Variants in EEF2 observed in about 807,000 individuals in gnomAD.
EEF2 encodes the protein eukaryotic translation elongation factor 2.
EEF2 carries 21 observed loss-of-function variants against 85.3 expected under a neutral mutation model. The ratio of observed to expected loss-of-function variants is 0.25; its 90% CI spans 0.17 to 0.35. The LOEUF (loss-of-function observed/expected upper bound fraction) is 0.35, where lower values mean the gene tolerates loss of function less well. EEF2 is among the 10% of genes least tolerant of loss of function. The pLI, the probability that EEF2 is intolerant of heterozygous loss-of-function variation, is 1.00. For missense variants in EEF2, 825 were observed against 1,225.3 expected (o/e 0.67, Z 4.88); for synonymous variants, 723 against 508.8 (o/e 1.42, Z -5.67).
At chr19:3,983,955 C>T in intron 2 of EEF2, 181 bp downstream of exon 2, 6 of 668,354 alleles carry the variant, frequency 9.0e-6, no homozygotes, top group Non-Finnish European at 1.3e-5. Flanking sequence ...CTCGCAGTAC[C>T]CCGAATCCCT....
chr19:3,982,801 C>T lies in EEF2; in HGVS notation c.612+6G>A, dbSNP rs747539895. 1 of 1,607,244 alleles carries T rather than the reference C, an allele frequency of 6.2e-7. No individual in the cohort carries two copies. The highest frequency in any genetic ancestry group is 8.5e-7 in the Non-Finnish European group (1 of 1,177,960). ...AAGCCCACCACCCAGCTAGGGAGGG[C>T]CGTACCATGATGTTGCCCATGGGGC... On this transcript the variant is annotated splice_donor_region_variant and intron_variant, in intron 4 of 14. Transcript: ENST00000309311.
Position 3,977,717 on chromosome 19 carries a change from C to A in EEF2, c.2067+102G>T, listed in dbSNP as rs530881667. 48 of 1,480,934 alleles carry A rather than the reference C, an allele frequency of 3.2e-5. No individual in the cohort carries two copies. The East Asian group carries it at 9.9e-4, about 31-fold the overall frequency. The allele number at this position is 1,480,934 out of a possible 1,614,324, so 91.7% of individuals were successfully genotyped here. ...CACCAGGGGGACCTGGGGCCTTGCC[C>A]GCCTTGGCCCCATTAGGGTCTCTGT... is the stretch of plus-strand genomic sequence containing the variant. On this transcript the variant is annotated intron_variant, in intron 12 of 14. Coordinates refer to ENST00000309311, the MANE Select transcript of EEF2 (RefSeq NM_001961.4). The surrounding 1 kb of genome is among the most constrained non-coding windows in gnomAD (Gnocchi z 5.4).
chr19:3,979,247 A>T, intron 11 of EEF2, 82 bp downstream of exon 11: 1 of 1,106,996 alleles, frequency 9.0e-7, no homozygotes, highest in Non-Finnish European at 1.3e-6. Flanking sequence ...AGGCGTCTGC[A>T]GAGCCTAGCT....
At position 3,976,304 on chromosome 19, in the gene EEF2, C is replaced by T. The variant is rs996056382; in HGVS notation, c.*250G>A. ...AGTGTTGGGTGTCCCATCCCGCCTC[C>T]CCCTCCCCGACCGGCCCATTAAGTC... On this transcript the variant is annotated 3_prime_UTR_variant, in exon 15 of 15. Transcript: ENST00000309311. 2 of 402,012 alleles carry T rather than the reference C, an allele frequency of 5.0e-6. No homozygotes were observed. The highest frequency in any genetic ancestry group is 4.4e-5 in the African/African-American group (2 of 45,578). The allele number at this position is 402,012 out of a possible 1,614,324, so 24.9% of individuals were successfully genotyped here. A position where few individuals can be genotyped will look rare whatever the true frequency, so the allele number is the denominator to read the frequency against.
At chr19:3,984,683 A>T in intron 1 of EEF2, 1 of 249,102 alleles carries the variant, frequency 4.0e-6, no homozygotes, top group Non-Finnish European at 7.8e-6. Context: ...ATCCTCTCCT[A>T]AAGCCCCCTC....
chr19:3,979,738 A>G, intron 10 of EEF2, 70 bp downstream of exon 10: 1 of 1,559,498 alleles, frequency 6.4e-7, no homozygotes, highest in South Asian at 1.2e-5. Context: ...CAACCCACAC[A>G]GCCACAACTC....
chr19:3,976,115 T>C lies in EEF2; in HGVS notation c.*439A>G, dbSNP rs3189553. 1 of 198,136 alleles carries C rather than the reference T, an allele frequency of 5.0e-6. No individual in the cohort carries two copies. Among genetic ancestry groups the C allele is most frequent in the Non-Finnish European group, 1.0e-5 (1 of 95,252 alleles). The allele number at this position is 198,136 out of a possible 1,614,324, so 12.3% of individuals were successfully genotyped here. Reference sequence around the variant, plus strand: ...CTAGTACAGCTGGAGGTGCTCATGGTGACACCGCACAGGACTTCCTGCCTG... The same window carrying C: ...CTAGTACAGCTGGAGGTGCTCATGGCGACACCGCACAGGACTTCCTGCCTG... On this transcript the variant is annotated 3_prime_UTR_variant, in exon 15 of 15. Transcript: ENST00000309311.
chr19:3,980,096 G>T, intron 9 of EEF2, 30 bp from the exon 10 acceptor site: 1 of 1,601,840 alleles, frequency 6.2e-7, no homozygotes, highest in Non-Finnish European at 8.5e-7. Flanking sequence ...GCAGCAGGCC[G>T]CAGGGATGGT....
At chr19:3,979,260 GC>G in intron 11 of EEF2, 68 bp downstream of exon 11, 5 of 1,269,412 alleles carry the variant, frequency 3.9e-6, no homozygotes, top group Non-Finnish European at 5.7e-6. Flanking sequence ...GCCTAGCTCA[GC>G]TCAGCTTTAA....
rs201085536 is a variant in EEF2, at chr19:3,981,389, T to C, written c.961A>G (p.Ile321Val). 9 of 1,614,236 alleles carry C rather than the reference T, an allele frequency of 5.6e-6. No homozygotes were observed. The highest frequency in any genetic ancestry group is 2.2e-5 in the East Asian group (1 of 44,882). The change falls in exon 7 of 15, where the codon ATC (isoleucine) becomes GTC (valine). Residue 321 changes from isoleucine (I) to valine (V), a missense_variant. Coordinates refer to ENST00000309311, the MANE Select transcript of EEF2 (RefSeq NM_001961.4). ...ETAKLIEKLD[I>V]KLDSEDKDKE... ...TCCTTGTCCTCGCTGTCCAGTTTGA[T>C]GTCCAGTTTCTCTATCAGTTTTGCT...
chr19:3,982,466 C>A (rs762219906), intron 4 of EEF2, 42 bp from the exon 5 acceptor site: 49 of 1,612,574 alleles, frequency 3.0e-5, no homozygotes, highest in Non-Finnish European at 4.1e-5. Context: ...AGGGCCCCTG[C>A]GCAGAGCCTG....
chr19:3,978,845 G>C (rs2039709269), intron 11 of EEF2, among the ~76,000 whole-genome samples: 1 of 136,608 alleles, frequency 7.3e-6, no homozygotes, highest in Non-Finnish European at 1.6e-5. Flanking sequence ...CCCTGGGCCA[G>C]GCATGGTGGC....
At chr19:3,978,206 G>T in intron 11 of EEF2, 34 bp from the exon 12 acceptor site, 2 of 1,429,486 alleles carry the variant, frequency 1.4e-6, no homozygotes, top group Non-Finnish European at 9.2e-7. Context: ...CTCTTGCCTG[G>T]AGAAAGAGGT....
At position 3,985,402 on chromosome 19, in the gene EEF2, C is replaced by T. The variant is rs200921166; in HGVS notation, c.-22G>A. On this transcript the variant is annotated 5_prime_UTR_variant, in exon 1 of 15. Transcript: ENST00000309311. Reference sequence around the variant, plus strand: ...CCATGGTGGCGGATGGCGGTGGATTCTCCCAGGTAGAACCGAAAGAAGCGA... The same window carrying T: ...CCATGGTGGCGGATGGCGGTGGATTTTCCCAGGTAGAACCGAAAGAAGCGA... 3.7e-5 allele frequency: 56 copies of T among 1,502,606 alleles called. No homozygotes were observed. The highest frequency in any genetic ancestry group is 4.9e-5 in the Non-Finnish European group (55 of 1,121,610). 93.1% of individuals were successfully genotyped at this position (1,502,606 alleles called of 1,614,324 possible). A position where few individuals can be genotyped will look rare whatever the true frequency, so the allele number is the denominator to read the frequency against.
intron 11 of EEF2, among the ~76,000 whole-genome samples, chr19:3,978,998 C>T (rs948232705): frequency 2.0e-5 from 3 of 151,362 alleles, no homozygotes; most frequent in Non-Finnish European, 4.4e-5. Flanking sequence ...CGTGGTAGCA[C>T]GCGCCTGTAG....
chr19:3,982,845 A>G lies in EEF2; in HGVS notation c.574T>C (p.Tyr192His). Residue 192 changes from tyrosine (Y) to histidine (H), a missense_variant, in exon 4 of 15, where the codon TAC (tyrosine) becomes CAC (histidine). Coordinates refer to ENST00000309311, the MANE Select transcript of EEF2 (RefSeq NM_001961.4). The part of the protein sequence containing the change: ...VENVNVIIST[Y>H]GEGESGPMGN... Reference sequence around the variant, plus strand: ...ATGGGGCCGCTCTCGCCCTCGCCGTAGGTGGAGATGATGACGTTCACGTTC... The same window carrying G: ...ATGGGGCCGCTCTCGCCCTCGCCGTGGGTGGAGATGATGACGTTCACGTTC... The G allele has an allele frequency of 6.2e-7, 1 of 1,613,408 alleles. No homozygotes were observed. Among genetic ancestry groups the G allele is most frequent in the Non-Finnish European group, 8.5e-7 (1 of 1,179,926 alleles).
chr19:3,984,255 G>A lies in EEF2; in HGVS notation c.99C>T (p.Ser33=), dbSNP rs1297620310. ...SVIAHVDHGK[S]TLTDSLVCKA... is the part of the protein sequence containing the mutation. ...TGCACACCAGGGAGTCTGTCAGCGT[G>A]GACTTGCCATGGTCCACGTGGGCGA... Residue 33 remains serine, a synonymous_variant, in exon 2 of 15, where the codon TCC becomes TCT. Transcript: ENST00000309311. 3 of 1,614,080 alleles carry A rather than the reference G, an allele frequency of 1.9e-6. No individual in the cohort carries two copies. Among genetic ancestry groups the A allele is most frequent in the Non-Finnish European group, 2.5e-6 (3 of 1,180,042 alleles).
chr19:3,981,890 A>G (rs2039753201), intron 6 of EEF2, 57 bp downstream of exon 6: 2 of 1,543,078 alleles, frequency 1.3e-6, no homozygotes, highest in Non-Finnish European at 1.8e-6. Flanking sequence ...GCCGGAGCCC[A>G]CAGGGCCGAG....
chr19:3,979,563 G>C, intron 10 of EEF2, 127 bp from the exon 11 acceptor site: 2 of 964,614 alleles, frequency 2.1e-6, no homozygotes, highest in Non-Finnish European at 3.1e-6. Context: ...GGGAAACTGG[G>C]ACCAGCACAA....
Sources: gnomAD v4.1 joint callset for allele counts (sites outside exome capture counted in the v4.1 genomes callset) on GRCh38, gnomAD v4.1.1 for gene constraint, Gnocchi (gnomAD v3.1) non-coding constraint, MANE v1.5 for transcripts, NCBI Gene and HGNC (gene_info 2026-07-23, HGNC 2026-07-21) for gene names.